The following LDB2 variants were observed in gnomAD, a reference collection of about 807,000 sequenced individuals.
LDB2 encodes the protein LIM domain binding 2.
A neutral mutation model predicts 44.3 loss-of-function variants in LDB2; 12 were observed. The ratio of observed to expected loss-of-function variants is 0.27; its 90% CI spans 0.17 to 0.44. The LOEUF is 0.44. Ranked by LOEUF, LDB2 falls within the 20% of genes least tolerant of loss-of-function variation. LDB2 has a pLI of 1.00. For missense variants in LDB2, 344 were observed against 473.5 expected (o/e 0.73, Z 2.54); for synonymous variants, 164 against 174.8 (o/e 0.94, Z 0.49).
chr4:16,577,723 T>C (rs975074267), intron 5 of LDB2, among the ~76,000 whole-genome samples: 1 of 152,106 alleles, frequency 6.6e-6, no homozygotes, highest in African/African-American at 2.4e-5. Flanking sequence ...AAAACAATCC[T>C]AAAATTTATA....
Position 16,588,845 on chromosome 4 carries a change from A to G in LDB2, c.409-13T>C. On this transcript the variant is annotated splice_polypyrimidine_tract_variant and intron_variant, in intron 3 of 7. Coordinates refer to ENST00000304523, the MANE Select transcript of LDB2 (RefSeq NM_001290.5). The stretch of plus-strand genomic sequence containing the variant: ...CTTCTGTACATACCTGGAAGTGACA[A>G]ACCACACAGTCATTCATTACGCACT... 1 of 1,612,488 alleles carries G rather than the reference A, an allele frequency of 6.2e-7. No individual in the cohort carries two copies. The highest frequency in any genetic ancestry group is 2.2e-5 in the East Asian group (1 of 44,868).
intron 5 of LDB2, among the ~76,000 whole-genome samples, chr4:16,545,860 T>C (rs983729652): frequency 4.6e-5 from 7 of 152,182 alleles, no homozygotes; most frequent in Admixed American, 1.3e-4. Context: ...TCTCCGATTA[T>C]AGATGTAGAT....
intron 1 of LDB2, among the ~76,000 whole-genome samples, chr4:16,875,295 C>A (rs1413495258): frequency 6.6e-6 from 1 of 152,114 alleles, no homozygotes; most frequent in Non-Finnish European, 1.5e-5. Flanking sequence ...CAGATAACCT[C>A]ATTTGATGTC....
chr4:16,530,407 T>C (rs940453802), intron 5 of LDB2, among the ~76,000 whole-genome samples: 1 of 151,536 alleles, frequency 6.6e-6, no homozygotes, highest in Admixed American at 6.6e-5. Context: ...AACTCTCCTA[T>C]GACATTCAGG....
intron 1 of LDB2, among the ~76,000 whole-genome samples, chr4:16,872,313 CTTTA>C (rs922602259): frequency 1.4e-4 from 21 of 151,988 alleles, no homozygotes; most frequent in Admixed American, 2.0e-4. Context: ...ATTCTTTTAT[CTTTA>C]TTTTTTATTT....
At chr4:16,631,369 A>G (rs1731910178) in intron 2 of LDB2, among the ~76,000 whole-genome samples, 1 of 152,178 alleles carries the variant, frequency 6.6e-6, no homozygotes, top group Non-Finnish European at 1.5e-5. Flanking sequence ...AGAAATAAAG[A>G]TGTTCTTTGA....
chr4:16,726,517 G>T (rs1759499797), intron 2 of LDB2: 1 of 152,292 alleles, frequency 6.6e-6, no homozygotes, highest in South Asian at 2.1e-4. Flanking sequence ...CCAGAATCAG[G>T]TTCCTTGAAT....
chr4:16,534,923 C>A (rs184392412), intron 5 of LDB2, among the ~76,000 whole-genome samples: 2 of 152,192 alleles, frequency 1.3e-5, no homozygotes, highest in East Asian at 3.9e-4. Context: ...GTGTCCAGAC[C>A]CAAACTACAT....
intron 1 of LDB2, 88 bp downstream of exon 1, chr4:16,898,266 C>G (rs1725898142): frequency 7.5e-7 from 1 of 1,327,748 alleles, no homozygotes; most frequent in Non-Finnish European, 1.1e-6. Context: ...GGGACACTTC[C>G]CATAGAATTC....
chr4:16,859,492 A>G (rs1476801432), intron 1 of LDB2, among the ~76,000 whole-genome samples: 1 of 152,182 alleles, frequency 6.6e-6, no homozygotes, highest in African/African-American at 2.4e-5. Flanking sequence ...AATTACATCT[A>G]TTGGATTATA....
At chr4:16,643,360 T>C (rs1735743087) in intron 2 of LDB2, among the ~76,000 whole-genome samples, 2 of 152,212 alleles carry the variant, frequency 1.3e-5, no homozygotes, top group African/African-American at 4.8e-5. Flanking sequence ...TCAGATTCCT[T>C]ATCCATATCA....
chr4:16,616,271 T>C (rs973252316), intron 2 of LDB2, among the ~76,000 whole-genome samples: 2 of 152,200 alleles, frequency 1.3e-5, no homozygotes, highest in African/African-American at 4.8e-5. Flanking sequence ...CATATCAAGA[T>C]AATGTGTTGA....
At chr4:16,552,651 C>T (rs564233391) in intron 5 of LDB2, among the ~76,000 whole-genome samples, 22 of 152,256 alleles carry the variant, frequency 1.4e-4, no homozygotes, top group African/African-American at 3.6e-4. Flanking sequence ...ACAAAGTTCC[C>T]GGAAGCTGAC....
intron 3 of LDB2, among the ~76,000 whole-genome samples, chr4:16,589,040 A>T (rs970326166): frequency 6.6e-6 from 1 of 152,160 alleles, no homozygotes; most frequent in African/African-American, 2.4e-5. Flanking sequence ...ACAGCTGCTT[A>T]TTGGCCATGA....
intron 1 of LDB2, among the ~76,000 whole-genome samples, chr4:16,876,578 T>C (rs1251194993): frequency 6.6e-6 from 1 of 152,226 alleles, no homozygotes; most frequent in African/African-American, 2.4e-5. Flanking sequence ...ACCTTCACTT[T>C]TGCATTTACT....
At chr4:16,793,284 G>C (rs1468882280) in intron 1 of LDB2, among the ~76,000 whole-genome samples, 1 of 152,114 alleles carries the variant, frequency 6.6e-6, no homozygotes, top group African/African-American at 2.4e-5. Flanking sequence ...CCCCCAGGGA[G>C]AGAACAGCAT....
chr4:16,581,302 G>T, intron 5 of LDB2: 1 of 532,006 alleles, frequency 1.9e-6, no homozygotes, highest in Non-Finnish European at 2.4e-6. Context: ...GCTCAGAGAG[G>T]TCAAGCAACT....
chr4:16,878,389 T>C (rs190066887), intron 1 of LDB2, among the ~76,000 whole-genome samples: 123 of 152,344 alleles, frequency 8.1e-4, no homozygotes, highest in African/African-American at 2.8e-3. Flanking sequence ...GGAGACCACT[T>C]ATACTCAACA....
intron 1 of LDB2, among the ~76,000 whole-genome samples, chr4:16,890,811 T>C (rs1235622699): frequency 6.6e-6 from 1 of 152,100 alleles, no homozygotes; most frequent in Non-Finnish European, 1.5e-5. Context: ...GCATTTACTC[T>C]CATGACAATG....
Sources: allele counts gnomAD v4.1 joint callset (sites outside exome capture counted in the v4.1 genomes callset), GRCh38; gene constraint gnomAD v4.1.1; transcripts MANE v1.5; gene names NCBI Gene and HGNC (gene_info 2026-07-23, HGNC 2026-07-21).